The following FBLN2 variants were observed in gnomAD, a reference collection of about 807,000 sequenced individuals.
The protein encoded by FBLN2 is fibulin 2.
A neutral mutation model predicts 123.7 loss-of-function variants in FBLN2; 81 were observed. The ratio of observed to expected loss-of-function variants is 0.65; its 90% CI spans 0.55 to 0.79. The LOEUF (loss-of-function observed/expected upper bound fraction) is 0.79. FBLN2 is among the 30% of genes least tolerant of loss of function. The pLI, the probability that FBLN2 is intolerant of heterozygous loss-of-function variation, is 0.00. For synonymous variants in FBLN2, 699 were observed against 701.4 expected (o/e 1.00, Z 0.05); for missense variants, 1,603 against 1,681.3 (o/e 0.95, Z 0.81).
At chr3:13,635,390 A>ACACACT (rs1706422888) in intron 16 of FBLN2, among the ~76,000 whole-genome samples, 1 of 151,764 alleles carries the variant, frequency 6.6e-6, no homozygotes. Context: ...ACACACACAC[A>ACACACT]CACACACACC....
chr3:13,630,723 G>T lies in FBLN2; in HGVS notation c.2993G>T (p.Arg998Leu). Residue 998 changes from arginine (R) to leucine (L), a missense_variant, in exon 15 of 18, where the codon CGC becomes CTC. Physicochemically the swap from Arg to Leu is moderately radical, Grantham distance 102. Coordinates refer to ENST00000404922, the MANE Select transcript of FBLN2 (RefSeq NM_001004019.2). The stretch of plus-strand genomic sequence containing the variant: ...GACGTGAATGAGTGTGAGGCCCAGC[G>T]CTGCAGCCAGGAGTGTGCCAACATC... ...CEDVNECEAQ[R>L]CSQECANIYG... 1 of 1,608,140 alleles carries T rather than the reference G, an allele frequency of 6.2e-7. No individual in the cohort carries two copies. Among genetic ancestry groups the T allele is most frequent in the Non-Finnish European group, 8.5e-7 (1 of 1,177,574 alleles).
chr3:13,579,244 G>A (rs1033476456), intron 2 of FBLN2, among the ~76,000 whole-genome samples: 4 of 152,182 alleles, frequency 2.6e-5, no homozygotes, highest in Non-Finnish European at 5.9e-5. Context: ...CTGAGCATGT[G>A]TTCATGAGAT....
chr3:13,565,878 A>C (rs556256108), intron 1 of FBLN2, among the ~76,000 whole-genome samples: 21 of 152,224 alleles, frequency 1.4e-4, no homozygotes, highest in African/African-American at 4.1e-4. Flanking sequence ...GAATTCTCAC[A>C]TGGGTACTGC....
intron 1 of FBLN2, among the ~76,000 whole-genome samples, chr3:13,551,040 G>C (rs1434978760): frequency 2.6e-5 from 4 of 152,236 alleles, no homozygotes; most frequent in African/African-American, 9.6e-5. Flanking sequence ...CCCCAACCCA[G>C]GGGATGGGGC....
At chr3:13,612,005 A>G (rs926090258) in intron 4 of FBLN2, among the ~76,000 whole-genome samples, 2 of 152,228 alleles carry the variant, frequency 1.3e-5, no homozygotes, top group Non-Finnish European at 2.9e-5. Flanking sequence ...AAGGGACCTC[A>G]TCCTGACTGA....
rs113422064 is a variant in FBLN2 at position 13,590,134 on chromosome 3, A to G, written c.1307-17928A>G. On this transcript the variant is annotated intron_variant, in intron 2 of 17. Coordinates refer to ENST00000404922, the MANE Select transcript of FBLN2 (RefSeq NM_001004019.2). ...CTTAACCCCATCGCTGCTGGAAACCATTATTTTGACTTTTATCACCATCTA... is the reference window on the plus strand; with the variant it reads ...CTTAACCCCATCGCTGCTGGAAACCGTTATTTTGACTTTTATCACCATCTA... Among the ~76,000 whole-genome samples the G allele has an allele frequency of 3.3e-5, 5 of 152,238 alleles. 1 individual carries two copies. Among genetic ancestry groups the G allele is most frequent in the African/African-American group, 9.6e-5 (4 of 41,546 alleles).
At chr3:13,556,316 G>C (rs9820233) in intron 1 of FBLN2, among the ~76,000 whole-genome samples, 5 of 152,126 alleles carry the variant, frequency 3.3e-5, no homozygotes, top group Admixed American at 2.6e-4. Flanking sequence ...CTCACAAGGT[G>C]GGGGGTGGGA....
At chr3:13,580,597 C>T (rs1704293681) in intron 2 of FBLN2, among the ~76,000 whole-genome samples, 2 of 152,272 alleles carry the variant, frequency 1.3e-5, no homozygotes, top group Non-Finnish European at 1.5e-5. Context: ...AGCAGCCTCT[C>T]CTGGTGGTTT....
At chr3:13,606,480 T>G (rs535818055) in intron 2 of FBLN2, among the ~76,000 whole-genome samples, 12 of 152,326 alleles carry the variant, frequency 7.9e-5, no homozygotes, top group African/African-American at 2.4e-4. Context: ...ACAAATACAG[T>G]TGAACCTTGA....
At chr3:13,636,154 C>G (rs898893507) in intron 16 of FBLN2, among the ~76,000 whole-genome samples, 1 of 152,178 alleles carries the variant, frequency 6.6e-6, no homozygotes, top group Non-Finnish European at 1.5e-5. Context: ...CTTAGAGAGG[C>G]CAGAGAGCCT....
At chr3:13,556,546 C>T (rs4684953) in intron 1 of FBLN2, among the ~76,000 whole-genome samples, 115,415 of 152,086 alleles carry the variant, frequency 0.76, 45,115 homozygotes, top group East Asian at 1. Flanking sequence ...AGATGTTCAG[C>T]CTGTAACAGA....
intron 15 of FBLN2, 133 bp from the exon 16 acceptor site, chr3:13,631,196 C>T: frequency 1.7e-6 from 2 of 1,165,122 alleles, no homozygotes; most frequent in Middle Eastern, 2.2e-4. Flanking sequence ...CTCTTCTACT[C>T]TCTCAGTCCA....
intron 2 of FBLN2, among the ~76,000 whole-genome samples, chr3:13,574,610 G>T (rs922981379): frequency 6.6e-6 from 1 of 152,134 alleles, no homozygotes; most frequent in Non-Finnish European, 1.5e-5. Flanking sequence ...TGGGGCACTG[G>T]CTGGAAACCC....
At position 13,632,260 on chromosome 3, in the gene FBLN2, G is replaced by A. The variant is rs576058975; in HGVS notation, c.3214+803G>A. Among the ~76,000 whole-genome samples the A allele has an allele frequency of 5.3e-5, 8 of 152,298 alleles. No homozygotes were observed. In the East Asian group the frequency reaches 5.8e-4, roughly 11 times the overall value. On this transcript the variant is annotated intron_variant, in intron 16 of 17. Transcript: ENST00000404922. The stretch of plus-strand genomic sequence containing the variant: ...CAGCCCCATGGCCTCTTGGCCTCTC[G>A]CTCCCTCGGCCCCTCGGTCCCTTGG...
intron 2 of FBLN2, among the ~76,000 whole-genome samples, chr3:13,595,018 G>C (rs1032943545): frequency 6.6e-6 from 1 of 152,224 alleles, no homozygotes; most frequent in Non-Finnish European, 1.5e-5. Context: ...CCGGCTGGGT[G>C]TGTGGTCTGG....
At chr3:13,635,242 C>T (rs942704517) in intron 16 of FBLN2, among the ~76,000 whole-genome samples, 1 of 152,152 alleles carries the variant, frequency 6.6e-6, no homozygotes, top group Non-Finnish European at 1.5e-5. Context: ...GCCCCTGGAA[C>T]ACCCCCTGCC....
At chr3:13,566,220 G>A (rs1472662903) in intron 1 of FBLN2, among the ~76,000 whole-genome samples, 13 of 152,214 alleles carry the variant, frequency 8.5e-5, no homozygotes, top group African/African-American at 2.9e-4. Flanking sequence ...GGAGCTGTCT[G>A]CAGAAGCCGG....
chr3:13,619,458 C>G (rs1705767392), intron 7 of FBLN2, among the ~76,000 whole-genome samples: 1 of 152,172 alleles, frequency 6.6e-6, no homozygotes, highest in South Asian at 2.1e-4. Context: ...CCCCATTGTT[C>G]TTGCTGTCAC....
chr3:13,598,424 A>G (rs899599636), intron 2 of FBLN2, among the ~76,000 whole-genome samples: 1 of 152,216 alleles, frequency 6.6e-6, no homozygotes, highest in African/African-American at 2.4e-5. Context: ...CCAGTGGTGG[A>G]AGGACATGCC....
Sources: allele counts gnomAD v4.1 joint callset (sites outside exome capture counted in the v4.1 genomes callset), GRCh38; gene constraint gnomAD v4.1.1; transcripts MANE v1.5; gene names NCBI Gene and HGNC (gene_info 2026-07-23, HGNC 2026-07-21).